Variants in SACM1L observed in about 807,000 individuals in gnomAD.
The protein encoded by SACM1L is phosphatidylinositol-3-phosphatase SAC1.
In SACM1L, 32 loss-of-function variants were observed where a neutral mutation model predicts 89.5. That is an observed-to-expected ratio of 0.36 (90% CI 0.27 to 0.48). The LOEUF is 0.48. SACM1L is among the 20% of genes least tolerant of loss of function. The probability of loss-of-function intolerance (pLI) is 0.99; values close to 1 mark genes in which losing one functional copy is unlikely to be tolerated. For missense variants in SACM1L, 543 were observed against 708.5 expected, an observed-to-expected ratio of 0.77 and a Z score of 2.65; for synonymous variants, 213 against 232.8, an observed-to-expected ratio of 0.92 and a Z score of 0.77.
intron 1 of SACM1L, among the ~76,000 whole-genome samples, chr3:45,696,555 A>G (rs1399771980): frequency 6.6e-6 from 1 of 152,178 alleles, no homozygotes; most frequent in Non-Finnish European, 1.5e-5. Flanking sequence ...GTTTTCCCAT[A>G]GTGGCTGCAC....
At chr3:45,715,368 A>G (rs1404360667) in intron 7 of SACM1L, among the ~76,000 whole-genome samples, 1 of 152,220 alleles carries the variant, frequency 6.6e-6, no homozygotes, top group African/African-American at 2.4e-5. Context: ...TGGAGGAAAC[A>G]TGTTCCACAG....
chr3:45,727,085 C>G (rs1396756293), intron 11 of SACM1L, among the ~76,000 whole-genome samples: 1 of 30,300 alleles, frequency 3.3e-5, no homozygotes, highest in East Asian at 4.2e-4. Flanking sequence ...CGGGGTTTCA[C>G]CTTGTTAGCC....
At position 45,689,452 on chromosome 3, in the gene SACM1L, G is replaced by A. The variant is rs914698320; in HGVS notation, c.-14G>A. 4.5e-6 allele frequency: 7 copies of A among 1,566,020 alleles called. No individual in the cohort carries two copies. Among genetic ancestry groups the A allele is most frequent in the Middle Eastern group, 3.5e-4 (2 of 5,788 alleles). On this transcript the variant is annotated 5_prime_UTR_variant, in exon 1 of 20. Coordinates refer to ENST00000389061, the MANE Select transcript of SACM1L (RefSeq NM_014016.5). Reference sequence around the variant, plus strand: ...GGGCGGGCGGAGAGAGAAGGAAGGAGGTGGTTGTGCAGGATGGCGACGGCG... The same window carrying A: ...GGGCGGGCGGAGAGAGAAGGAAGGAAGTGGTTGTGCAGGATGGCGACGGCG...
intron 1 of SACM1L, among the ~76,000 whole-genome samples, chr3:45,695,422 G>A (rs915347733): frequency 2.0e-5 from 3 of 151,930 alleles, no homozygotes; most frequent in Admixed American, 6.6e-5. Flanking sequence ...CACCAGGCCC[G>A]GCTAATTTTT....
At chr3:45,726,500 C>T (rs1310699301) in intron 11 of SACM1L, among the ~76,000 whole-genome samples, 1 of 152,060 alleles carries the variant, frequency 6.6e-6, no homozygotes, top group Non-Finnish European at 1.5e-5. Context: ...TGTTGGCATA[C>T]AGTTGTTCAT....
intron 13 of SACM1L, among the ~76,000 whole-genome samples, chr3:45,734,137 G>A (rs1366010812): frequency 1.0e-5 from 1 of 98,494 alleles, no homozygotes; most frequent in African/African-American, 4.0e-5. Flanking sequence ...TTTTGGCTGG[G>A]GGCTGTGGCT....
chr3:45,699,712 G>A (rs1046613731), intron 1 of SACM1L, among the ~76,000 whole-genome samples: 1 of 152,096 alleles, frequency 6.6e-6, no homozygotes, highest in Admixed American at 6.6e-5. Context: ...AGTAGAGACA[G>A]GGTTTCACTG....
intron 14 of SACM1L, 150 bp from the exon 15 acceptor site, chr3:45,737,433 G>A (rs1040554507): frequency 1.3e-5 from 10 of 767,098 alleles, no homozygotes; most frequent in Non-Finnish European, 2.2e-5. Flanking sequence ...GGGCTGCTGT[G>A]AGCTGGGGCC....
At chr3:45,743,479 G>T in intron 19 of SACM1L, 54 bp from the exon 20 acceptor site, 1 of 1,517,690 alleles carries the variant, frequency 6.6e-7, no homozygotes, top group South Asian at 1.3e-5. Context: ...GCTGAAAACT[G>T]GGTCTGATAT....
chr3:45,735,269 G>A lies in SACM1L; in HGVS notation c.1135G>A (p.Ala379Thr), dbSNP rs759814414. The change falls in exon 14 of 20, where the codon GCA (alanine) becomes ACA (threonine). Residue 379 changes from alanine to threonine, a missense_variant. Coordinates refer to ENST00000389061, the MANE Select transcript of SACM1L (RefSeq NM_014016.5). Reference sequence around the variant, plus strand: ...AGTGGACTCTGCTGGCCAGGTGGTGGCAAACCAGGAAGGCGTGTTCCGAAG... The same window carrying A: ...AGTGGACTCTGCTGGCCAGGTGGTGACAAACCAGGAAGGCGTGTTCCGAAG... ...FLVDSAGQVVANQEGVFRSNC... is the reference protein window; with the variant it reads ...FLVDSAGQVVTNQEGVFRSNC... 6.2e-7 allele frequency: 1 copy of A among 1,612,846 alleles called. No individual in the cohort carries two copies. The highest frequency in any genetic ancestry group is 8.5e-7 in the Non-Finnish European group (1 of 1,179,730).
chr3:45,719,119 C>G (rs1422605371), intron 7 of SACM1L, among the ~76,000 whole-genome samples: 1 of 152,046 alleles, frequency 6.6e-6, no homozygotes. Flanking sequence ...CTAGCCTTCC[C>G]TCCCCATTTT....
chr3:45,689,612 G>T (rs1697918170), intron 1 of SACM1L, 115 bp downstream of exon 1: 1 of 1,257,186 alleles, frequency 8.0e-7, no homozygotes, highest in Non-Finnish European at 1.1e-6. Flanking sequence ...GGAGCTCCTC[G>T]CATTTACCGG....
At chr3:45,701,592 T>C (rs528740987) in intron 1 of SACM1L, among the ~76,000 whole-genome samples, 9 of 152,350 alleles carry the variant, frequency 5.9e-5, no homozygotes, top group Non-Finnish European at 1.2e-4. Flanking sequence ...TTTCACTTTG[T>C]TTTCTTTTTA....
At chr3:45,725,679 ATGCCCTTTTTTTTTTTCT>A (rs1698901866) in intron 11 of SACM1L, among the ~76,000 whole-genome samples, 1 of 149,118 alleles carries the variant, frequency 6.7e-6, no homozygotes, top group African/African-American at 2.4e-5. Context: ...TCCAATTTGG[ATGCCCTTTTTTTTTTTCT>A]TGCCTAATTG....
intron 13 of SACM1L, 89 bp downstream of exon 13, chr3:45,732,240 G>A (rs11709306): frequency 0.62 from 409,995 of 660,106 alleles, 129,783 homozygotes; most frequent in Non-Finnish European, 0.66. Flanking sequence ...AGACTTACAA[G>A]TACAGTTCAC....
chr3:45,691,598 G>GATT (rs1553649094), intron 1 of SACM1L, among the ~76,000 whole-genome samples: 1 of 150,150 alleles, frequency 6.7e-6, no homozygotes, highest in Admixed American at 6.6e-5. Flanking sequence ...TGAAATGCTT[G>GATT]TTTTTTTTTT....
At chr3:45,710,711 T>C (rs1379037309) in intron 5 of SACM1L, among the ~76,000 whole-genome samples, 1 of 152,124 alleles carries the variant, frequency 6.6e-6, no homozygotes, top group Non-Finnish European at 1.5e-5. Context: ...TCGCCAGTAA[T>C]TGACCATTTT....
chr3:45,699,973 G>A (rs1432056493), intron 1 of SACM1L, among the ~76,000 whole-genome samples: 2 of 152,164 alleles, frequency 1.3e-5, no homozygotes, highest in Non-Finnish European at 2.9e-5. Flanking sequence ...GTTGTATGTG[G>A]AAACAAGTGT....
chr3:45,710,301 A>C (rs1031873403), intron 5 of SACM1L, among the ~76,000 whole-genome samples: 4 of 151,732 alleles, frequency 2.6e-5, no homozygotes, highest in Non-Finnish European at 4.4e-5. Flanking sequence ...CCTGGGTTCA[A>C]GCAATTCTCA....
Sources: gnomAD v4.1 joint callset for allele counts (sites outside exome capture counted in the v4.1 genomes callset) on GRCh38, gnomAD v4.1.1 for gene constraint, MANE v1.5 for transcripts, NCBI Gene and HGNC (gene_info 2026-07-23, HGNC 2026-07-21) for gene names.